NFATC2: variants seen among roughly 807,000 people sequenced by gnomAD.
NFATC2 encodes the protein nuclear factor of activated T cells 2.
A neutral mutation model predicts 87.3 loss-of-function variants in NFATC2; 22 were observed. The observed-to-expected ratio is 0.25, with a 90% confidence interval of 0.18 to 0.36. NFATC2 has a LOEUF of 0.36. Among genes scored for constraint, NFATC2 ranks in the 10% least tolerant of loss-of-function variants. The pLI is 1.00. For synonymous variants in NFATC2, 565 were observed against 542.2 expected, an observed-to-expected ratio of 1.04 and a Z score of -0.58; for missense variants, 1,149 against 1,259.1, an observed-to-expected ratio of 0.91 and a Z score of 1.32.
rs1209915559 is a variant in NFATC2, at chr20:51,396,067, TATATATATATATATATATATATATATAA to T, written c.*44+2548_*44+2575del. ...ATATATATATATATATATATATATATATATATATATATATATATATATATATAAGCTAATGGCAAAGAAGAAAAAGCAG... is the reference window on the plus strand; with the variant it reads ...ATATATATATATATATATATATATATGCTAATGGCAAAGAAGAAAAAGCAG... On this transcript the variant is annotated intron_variant, in intron 10 of 10. Coordinates refer to ENST00000371564, the MANE Select transcript of NFATC2 (RefSeq NM_012340.5). Among the ~76,000 whole-genome samples the T allele has an allele frequency of 6.8e-3, 138 of 20,414 alleles. 1 individual carries two copies. Among genetic ancestry groups the T allele is most frequent in the African/African-American group, 0.052 (129 of 2,462 alleles). 13.4% of individuals were successfully genotyped at this position (20,414 alleles called of 152,430 possible). A position where few individuals can be genotyped will look rare whatever the true frequency, so the allele number is the denominator to read the frequency against.
At chr20:51,415,568 A>T (rs1979935437) in intron 9 of NFATC2, among the ~76,000 whole-genome samples, 1 of 152,162 alleles carries the variant, frequency 6.6e-6, no homozygotes, top group African/African-American at 2.4e-5. Context: ...AGGGCTGGGG[A>T]CCAGTGACAT....
rs1056708242 is a variant in NFATC2 at position 51,406,582 on chromosome 20, C to T, written c.2723-7852G>A. On this transcript the variant is annotated intron_variant, in intron 9 of 10. Coordinates refer to ENST00000371564, the MANE Select transcript of NFATC2 (RefSeq NM_012340.5). ...CGCAGAGGAATGACTGGAGGCGCCC[C>T]GGCTTGCTTCCATTGGCAATGTTCT... is the stretch of plus-strand genomic sequence containing the variant. Among the ~76,000 whole-genome samples the T allele has an allele frequency of 2.6e-5, 4 of 152,296 alleles. No homozygotes were observed. The South Asian group carries it at 8.3e-4, about 32-fold the overall frequency.
In NFATC2 at chr20:51,474,017, G is replaced by A. The variant is rs766706213; in HGVS notation, c.1671C>T (p.Ile557=). 1.1e-5 allele frequency: 18 copies of A among 1,614,116 alleles called. No homozygotes were observed. Among genetic ancestry groups the A allele is most frequent in the Admixed American group, 5.0e-5 (3 of 60,008 alleles). Residue 557 remains isoleucine, a synonymous_variant, in exon 5 of 11, where the codon ATC becomes ATT. Coordinates refer to ENST00000371564, the MANE Select transcript of NFATC2 (RefSeq NM_012340.5). ...GGTTAGATGCAGTCTGTAAAGAGAC[G>A]ATTCTGCCACTGGACTCTGGGATGT... is the stretch of plus-strand genomic sequence containing the variant. The part of the protein sequence containing the change: ...RVHIPESSGR[I]VSLQTASNPI...
chr20:51,474,747 T>C (rs1988552709), intron 4 of NFATC2, among the ~76,000 whole-genome samples: 1 of 152,078 alleles, frequency 6.6e-6, no homozygotes, highest in Non-Finnish European at 1.5e-5. Flanking sequence ...CATCCAAAGG[T>C]TTTTTTAACC....
rs117006934 is a variant in NFATC2 at position 51,491,465 on chromosome 20, C to T, written c.1333-15805G>A. The stretch of plus-strand genomic sequence containing the variant: ...AGGAAATATTCAACGACCAGTTCTC[C>T]AAGACAGAAAGCTTGCTTTGCAGTG... On this transcript the variant is annotated intron_variant, in intron 3 of 10. Transcript: ENST00000371564. 3.2e-4 allele frequency among the ~76,000 whole-genome samples: 49 copies of T among 152,300 alleles called. 2 individuals are homozygous for T. The East Asian group carries it at 9.1e-3, about 28-fold the overall frequency.
At position 51,388,110 on chromosome 20, in the gene NFATC2, G is replaced by A. The variant is rs1364139637; in HGVS notation, c.*3386C>T. On this transcript the variant is annotated 3_prime_UTR_variant, in exon 11 of 11. Coordinates refer to ENST00000371564, the MANE Select transcript of NFATC2 (RefSeq NM_012340.5). ...GGGTGTCCTTTGGATAAAGCATACA[G>A]GAGTTATCTACCAGGATTTAGATTT... 1 of 152,096 alleles carries A rather than the reference G, an allele frequency of 6.6e-6. No homozygotes were observed. The highest frequency in any genetic ancestry group is 2.4e-5 in the African/African-American group (1 of 41,404). The allele number at this position is 152,096 out of a possible 1,614,324, so 9.4% of individuals were successfully genotyped here.
chr20:51,498,874 G>A (rs1336590296), intron 3 of NFATC2, among the ~76,000 whole-genome samples: 1 of 152,232 alleles, frequency 6.6e-6, no homozygotes, highest in Non-Finnish European at 1.5e-5. Flanking sequence ...GCTGCTTTGA[G>A]GAGGTGACAA....
intron 1 of NFATC2, among the ~76,000 whole-genome samples, chr20:51,553,228 C>A (rs1369117010): frequency 6.6e-6 from 1 of 152,158 alleles, no homozygotes; most frequent in Non-Finnish European, 1.5e-5. Context: ...TTTGTTCCAC[C>A]TGCCGGGAGC....
chr20:51,549,713 C>T (rs1021849378), intron 1 of NFATC2, among the ~76,000 whole-genome samples: 5 of 152,168 alleles, frequency 3.3e-5, no homozygotes, highest in Non-Finnish European at 5.9e-5. Flanking sequence ...ACCTGAGTTA[C>T]CATTTCAGCT....
At chr20:51,406,815 G>C (rs938876945) in intron 9 of NFATC2, among the ~76,000 whole-genome samples, 1 of 152,176 alleles carries the variant, frequency 6.6e-6, no homozygotes, top group Non-Finnish European at 1.5e-5. Context: ...GGGAAATTCA[G>C]GTCACCTCCA....
chr20:51,477,580 T>TAAAA (rs548899918), intron 3 of NFATC2, among the ~76,000 whole-genome samples: 8 of 69,996 alleles, frequency 1.1e-4, no homozygotes, highest in Non-Finnish European at 1.3e-4. Flanking sequence ...TATATATATA[T>TAAAA]AAAATAACAA....
intron 5 of NFATC2, among the ~76,000 whole-genome samples, chr20:51,457,715 C>T (rs1292400510): frequency 1.3e-5 from 2 of 151,690 alleles, no homozygotes; most frequent in Non-Finnish European, 1.5e-5. Context: ...GCTTGTCAGA[C>T]ATGCAGTACA....
chr20:51,428,952 T>C (rs1982277832), intron 9 of NFATC2, among the ~76,000 whole-genome samples: 1 of 152,136 alleles, frequency 6.6e-6, no homozygotes, highest in African/African-American at 2.4e-5. Context: ...ACAGACTCCC[T>C]TGAAATCATA....
At chr20:51,408,484 A>G (rs1978682988) in intron 9 of NFATC2, among the ~76,000 whole-genome samples, 1 of 143,828 alleles carries the variant, frequency 7.0e-6, no homozygotes, top group Non-Finnish European at 1.5e-5. Flanking sequence ...ACTGCACTCC[A>G]GCCTGGGGGA....
intron 10 of NFATC2, among the ~76,000 whole-genome samples, chr20:51,397,263 A>C (rs1340939629): frequency 1.3e-5 from 2 of 152,156 alleles, no homozygotes; most frequent in Non-Finnish European, 2.9e-5. Flanking sequence ...CTTTACACTT[A>C]CTAAGTAACT....
intron 3 of NFATC2, among the ~76,000 whole-genome samples, chr20:51,489,884 G>C (rs561111561): frequency 2.0e-5 from 3 of 152,162 alleles, no homozygotes; most frequent in Non-Finnish European, 4.4e-5. Flanking sequence ...GGTGAAGTGG[G>C]GAAAGACGAC....
chr20:51,560,561 C>T (rs1319210891), intron 1 of NFATC2, among the ~76,000 whole-genome samples: 2 of 152,162 alleles, frequency 1.3e-5, no homozygotes, highest in Non-Finnish European at 2.9e-5. Flanking sequence ...GGATATTGGG[C>T]TTTCCCTCAA....
chr20:51,527,436 C>A (rs2076562851), intron 1 of NFATC2, among the ~76,000 whole-genome samples: 1 of 152,196 alleles, frequency 6.6e-6, no homozygotes, highest in Admixed American at 6.5e-5. Flanking sequence ...GTGCACATCT[C>A]ACCATAACGA....
chr20:51,557,164 A>C (rs1367911798), intron 1 of NFATC2, among the ~76,000 whole-genome samples: 1 of 152,200 alleles, frequency 6.6e-6, no homozygotes, highest in Non-Finnish European at 1.5e-5. Context: ...GTCCTACTCT[A>C]TACCAAGCTC....
Sources: gnomAD v4.1 joint callset for allele counts (sites outside exome capture counted in the v4.1 genomes callset) on GRCh38, gnomAD v4.1.1 for gene constraint, MANE v1.5 for transcripts, NCBI Gene and HGNC (gene_info 2026-07-23, HGNC 2026-07-21) for gene names.